The following PDE6B variants were observed in gnomAD, a reference collection of about 807,000 sequenced individuals.
The protein encoded by PDE6B is rod cGMP-specific 3',5'-cyclic phosphodiesterase subunit beta.
PDE6B carries 106 observed loss-of-function variants against 109.0 expected under a neutral mutation model. The ratio of observed to expected loss-of-function variants is 0.97; its 90% CI spans 0.83 to 1.14. PDE6B has a LOEUF of 1.14. PDE6B is among the 50% of genes most tolerant of loss of function. The pLI, the probability that PDE6B is intolerant of heterozygous loss-of-function variation, is 0.00. For missense variants in PDE6B, 1,193 were observed against 1,155.6 expected, an observed-to-expected ratio of 1.03 and a Z score of -0.47; for synonymous variants, 490 against 471.3, an observed-to-expected ratio of 1.04 and a Z score of -0.51.
In PDE6B at chr4:662,993, A is replaced by T; in HGVS notation, c.1833-107A>T. The T allele has an allele frequency of 1.3e-6, 1 of 750,538 alleles. No homozygotes were observed. Among genetic ancestry groups the T allele is most frequent in the Non-Finnish European group, 2.4e-6 (1 of 408,564 alleles). 46.5% of individuals were successfully genotyped at this position (750,538 alleles called of 1,614,324 possible). On this transcript the variant is annotated intron_variant, in intron 14 of 21. Coordinates refer to ENST00000496514, the MANE Select transcript of PDE6B (RefSeq NM_000283.4). This position sits in a 1 kb window ranked among gnomAD's most constrained non-coding sequence, Gnocchi z 4.3. ...ACTCCAGAGTGGGTGACAGAGGCAG[A>T]CCCTGTCTCAAAAAAAAGAAAGTGG...
Position 628,189 on chromosome 4 carries a change from A to C in PDE6B, c.468+2095A>C, listed in dbSNP as rs149667262. ...CTTCATGAAGTGCAAATCCTCATGAAGTGCAAAGCCTCATGAAGTGCATCT... is the reference window on the plus strand; with the variant it reads ...CTTCATGAAGTGCAAATCCTCATGACGTGCAAAGCCTCATGAAGTGCATCT... On this transcript the variant is annotated intron_variant, in intron 1 of 21. Transcript: ENST00000496514. Among the ~76,000 whole-genome samples, 18 of 152,192 alleles carry C rather than the reference A, an allele frequency of 1.2e-4. No individual in the cohort carries two copies. In the South Asian group the frequency reaches 2.7e-3, roughly 23 times the overall value.
intron 4 of PDE6B, 35 bp downstream of exon 4, chr4:654,027 GC>G (rs1560118308): frequency 6.2e-7 from 1 of 1,613,708 alleles, no homozygotes; most frequent in Non-Finnish European, 8.5e-7. Context: ...CCCCTGCCTG[GC>G]CCGACCCAGG....
rs978351338 is a variant in PDE6B at position 665,470 on chromosome 4, T to C, written c.2268+141T>C. ...GTCCTTATCTCACTTTGTGGGATCA[T>C]GTGACATGCGTGTGGGTGGCTCGGA... On this transcript the variant is annotated intron_variant, in intron 19 of 21. Coordinates refer to ENST00000496514, the MANE Select transcript of PDE6B (RefSeq NM_000283.4). The surrounding 1 kb of genome is among the most constrained non-coding windows in gnomAD (Gnocchi z 4.0). 5 of 709,484 alleles carry C rather than the reference T, an allele frequency of 7.0e-6. No homozygotes were observed. Among genetic ancestry groups the C allele is most frequent in the African/African-American group, 5.3e-5 (3 of 57,020 alleles). The allele number at this position is 709,484 out of a possible 1,614,324, so 43.9% of individuals were successfully genotyped here. A position where few individuals can be genotyped will look rare whatever the true frequency, so the allele number is the denominator to read the frequency against.
At chr4:654,711 G>C in intron 5 of PDE6B, 113 bp from the exon 6 acceptor site, 2 of 786,920 alleles carry the variant, frequency 2.5e-6, no homozygotes, top group Non-Finnish European at 4.7e-6. Context: ...GGTTACGTGT[G>C]TGGGGGTGTG....
At chr4:644,446 A>AG (rs1453425371) in intron 3 of PDE6B, among the ~76,000 whole-genome samples, 1 of 152,044 alleles carries the variant, frequency 6.6e-6, no homozygotes, top group Non-Finnish European at 1.5e-5. Flanking sequence ...CGTGACCTTG[A>AG]GAAGAATGGG....
intron 9 of PDE6B, 104 bp downstream of exon 9, chr4:657,127 C>A: frequency 7.7e-7 from 1 of 1,298,040 alleles, no homozygotes; most frequent in South Asian, 1.2e-5. Flanking sequence ...TGTGCGTGTG[C>A]TCATGTGTGT....
In PDE6B at chr4:625,797, G is replaced by A. The variant is rs763391072; in HGVS notation, c.171G>A (p.Thr57=). 9.3e-6 allele frequency: 15 copies of A among 1,613,216 alleles called. No individual in the cohort carries two copies. In the Admixed American group the frequency reaches 1.0e-4, roughly 11 times the overall value. ...ACCTCTGCCAGGTGGAGGAGAGCAC[G>A]GCGCTGCTGGAGCTGGTGCAGGATA... The part of the protein sequence containing the change: ...LRDLCQVEES[T]ALLELVQDMQ... The change falls in exon 1 of 22, where the codon ACG becomes ACA. Residue 57 remains threonine (T), a synonymous_variant. Coordinates refer to ENST00000496514, the MANE Select transcript of PDE6B (RefSeq NM_000283.4). This position sits in a 1 kb window ranked among gnomAD's most constrained non-coding sequence, Gnocchi z 5.0.
chr4:655,545 A>T (rs1736113993), intron 6 of PDE6B: 1 of 363,528 alleles, frequency 2.8e-6, no homozygotes, highest in East Asian at 7.0e-5. Flanking sequence ...AGGGGTTCCC[A>T]AGAGGGAGGG....
At position 660,469 on chromosome 4, in the gene PDE6B, G is replaced by T. The variant is rs1577292553; in HGVS notation, c.1470G>T (p.Lys490Asn). 6.2e-7 allele frequency: 1 copy of T among 1,613,896 alleles called. No homozygotes were observed. The highest frequency in any genetic ancestry group is 8.5e-7 in the Non-Finnish European group (1 of 1,179,980). Residue 490 changes from lysine to asparagine, a missense_variant and splice_region_variant, in exon 12 of 22, where the codon AAG becomes AAT. By Grantham distance (94) the Lys-to-Asn change is moderately conservative (BLOSUM62 0). Transcript: ENST00000496514. The stretch of plus-strand genomic sequence containing the variant: ...TCAGCCCACAATCCCTCCCACAGAA[G>T]GAGGAGCTGCCAGGGCCCACCACAT... ...CDEDELGEIL[K>N]EELPGPTTFD... is the part of the protein sequence containing the mutation.
intron 21 of PDE6B, 144 bp from the exon 22 acceptor site, chr4:669,902 A>G (rs1329844204): frequency 2.7e-6 from 2 of 742,570 alleles, no homozygotes; most frequent in Admixed American, 1.8e-5. Flanking sequence ...GGCTCAGCCC[A>G]GCTAATCGGC....
chr4:627,291 G>T (rs35853545), intron 1 of PDE6B, among the ~76,000 whole-genome samples: 7,599 of 152,076 alleles, frequency 0.05, 330 homozygotes, highest in African/African-American at 0.11. Context: ...GACTAGAGGT[G>T]CCCGCCACCA....
chr4:629,381 G>A (rs573784169), intron 1 of PDE6B, among the ~76,000 whole-genome samples: 194 of 152,328 alleles, frequency 1.3e-3, no homozygotes, highest in African/African-American at 4.3e-3. Flanking sequence ...GGTGGGGCTC[G>A]GCCACGGCCA....
At chr4:656,048 A>G (rs1320911694) in intron 7 of PDE6B, 42 bp downstream of exon 7, 8 of 1,303,048 alleles carry the variant, frequency 6.1e-6, no homozygotes, top group Non-Finnish European at 8.9e-6. Flanking sequence ...CCTTGCCCTC[A>G]CTGGGTGCGG....
intron 6 of PDE6B, chr4:655,507 G>C: frequency 2.9e-6 from 1 of 345,364 alleles, no homozygotes; most frequent in South Asian, 2.4e-5. Context: ...TAGAAAGCAG[G>C]CTGAAGCCAT....
In PDE6B at chr4:648,942, C is replaced by G. The variant is rs948030754; in HGVS notation, c.712-4910C>G. Among the ~76,000 whole-genome samples, 28 of 152,350 alleles carry G rather than the reference C, an allele frequency of 1.8e-4. No homozygotes were observed. Among genetic ancestry groups the G allele is most frequent in the Non-Finnish European group, 3.5e-4 (24 of 68,034 alleles). ...TCTCTGCAGGTCTGACTCCTGCCTC[C>G]TGTGAGGAAGCAGAGCCATTCAGAA... On this transcript the variant is annotated intron_variant, in intron 3 of 21. Transcript: ENST00000496514. The surrounding 1 kb of genome is among the most constrained non-coding windows in gnomAD (Gnocchi z 4.5).
rs764850317 is a variant in PDE6B, at chr4:654,054, C to G, written c.853-26C>G. On this transcript the variant is annotated intron_variant, in intron 4 of 21. Transcript: ENST00000496514. Reference sequence around the variant, plus strand: ...CCGACCCAGGTCCCGCAGTGACCGCCCCACCCTCACCTCTTCTCTGCCCAG... The same window carrying G: ...CCGACCCAGGTCCCGCAGTGACCGCGCCACCCTCACCTCTTCTCTGCCCAG... 3 of 1,613,338 alleles carry G rather than the reference C, an allele frequency of 1.9e-6. No individual in the cohort carries two copies. In the Admixed American group the frequency reaches 5.0e-5, roughly 27 times the overall value.
chr4:662,199 C>A lies in PDE6B; in HGVS notation c.1680C>A (p.Arg560=). 1 of 1,580,570 alleles carries A rather than the reference C, an allele frequency of 6.3e-7. No homozygotes were observed. Among genetic ancestry groups the A allele is most frequent in the Non-Finnish European group, 8.6e-7 (1 of 1,163,232 alleles). The change falls in exon 13 of 22, where the codon CGC becomes CGA. Residue 560 remains arginine, a synonymous_variant. Transcript: ENST00000496514. The surrounding 1 kb of genome is among the most constrained non-coding windows in gnomAD (Gnocchi z 4.3). The part of the protein sequence containing the change: ...GYRRITYHNW[R]HGFNVAQTMF... ...GGAGAATCACCTACCACAACTGGCG[C>A]CACGGCTTCAACGTGGCCCAGACGA...
At chr4:654,464 T>C (rs1169219114) in intron 5 of PDE6B, 1 of 334,118 alleles carries the variant, frequency 3.0e-6, no homozygotes, top group Non-Finnish European at 5.8e-6. Flanking sequence ...GTAGGATGCG[T>C]GTGTGTGTGT....
Position 665,380 on chromosome 4 carries a change from C to T in PDE6B, c.2268+51C>T. 2 of 1,296,194 alleles carry T rather than the reference C, an allele frequency of 1.5e-6. No individual in the cohort carries two copies. Among genetic ancestry groups the T allele is most frequent in the Admixed American group, 1.7e-5 (1 of 58,430 alleles). 80.3% of individuals were successfully genotyped at this position (1,296,194 alleles called of 1,614,324 possible). On this transcript the variant is annotated intron_variant, in intron 19 of 21. Coordinates refer to ENST00000496514, the MANE Select transcript of PDE6B (RefSeq NM_000283.4). This position sits in a 1 kb window ranked among gnomAD's most constrained non-coding sequence, Gnocchi z 4.0. ...ACTCCTGAAACGGGTGTTAGAGACC[C>T]CTCTTGGTCCTCAGGAGCCTCAGGT...
Sources: allele counts gnomAD v4.1 joint callset (sites outside exome capture counted in the v4.1 genomes callset), GRCh38; gene constraint gnomAD v4.1.1; non-coding constraint Gnocchi (gnomAD v3.1); transcripts MANE v1.5; gene names NCBI Gene and HGNC (gene_info 2026-07-23, HGNC 2026-07-21).